Variants in CACNA1C observed in about 807,000 individuals in gnomAD.
CACNA1C encodes the protein calcium voltage-gated channel subunit alpha1 C.
CACNA1C carries 30 observed loss-of-function variants against 229.0 expected under a neutral mutation model. The observed-to-expected ratio is 0.13, with a 90% CI of 0.10 to 0.18. The LOEUF is 0.18. CACNA1C is among the 10% of genes least tolerant of loss of function. The pLI is 1.00. For missense variants in CACNA1C, 1,658 were observed against 2,845.0 expected, an observed-to-expected ratio of 0.58 and a Z score of 9.49; for synonymous variants, 1,114 against 1,132.5, an observed-to-expected ratio of 0.98 and a Z score of 0.33.
intron 3 of CACNA1C, among the ~76,000 whole-genome samples, chr12:2,137,542 C>T (rs1461615995): frequency 6.6e-6 from 1 of 151,222 alleles, no homozygotes; most frequent in Non-Finnish European, 1.5e-5. Context: ...GCTATGATTA[C>T]ACCAGGGTGA....
intron 3 of CACNA1C, among the ~76,000 whole-genome samples, chr12:2,343,743 C>T (rs924206201): frequency 1.3e-5 from 2 of 152,054 alleles, no homozygotes; most frequent in South Asian, 2.1e-4. Context: ...CTGGAAAAGA[C>T]GGATCTTGAG....
chr12:2,121,019 G>T (rs773734970), intron 3 of CACNA1C, among the ~76,000 whole-genome samples: 2 of 152,198 alleles, frequency 1.3e-5, no homozygotes, highest in Non-Finnish European at 2.9e-5. Flanking sequence ...CATGGAAAAA[G>T]TGGAGAGTGT....
At chr12:2,071,489 C>T (rs2061327145) in intron 1 of CACNA1C, among the ~76,000 whole-genome samples, 1 of 152,012 alleles carries the variant, frequency 6.6e-6, no homozygotes, top group Admixed American at 6.5e-5. Flanking sequence ...TCTTAAAGTG[C>T]TGGGATTATA....
intron 1 of CACNA1C, chr12:1,993,051 T>C: frequency 1.4e-6 from 1 of 704,528 alleles, no homozygotes; most frequent in South Asian, 1.7e-5. Flanking sequence ...TTTAGGTTTA[T>C]ATCATCATAT....
intron 3 of CACNA1C, among the ~76,000 whole-genome samples, chr12:2,198,957 A>G (rs1426200402): frequency 6.6e-6 from 1 of 152,192 alleles, no homozygotes; most frequent in Non-Finnish European, 1.5e-5. Context: ...AACTTTATAA[A>G]TTAAGTATTG....
At chr12:2,105,010 C>G (rs2077663495) in intron 1 of CACNA1C, among the ~76,000 whole-genome samples, 1 of 152,218 alleles carries the variant, frequency 6.6e-6, no homozygotes, top group Non-Finnish European at 1.5e-5. Flanking sequence ...GGCGTTATAT[C>G]AGGGTCCTCT....
intron 9 of CACNA1C, chr12:2,547,399 T>C: frequency 1.3e-6 from 1 of 777,578 alleles, no homozygotes; most frequent in South Asian, 1.4e-5. Context: ...GCGTGTGCTC[T>C]ATTGATGTCT....
At chr12:2,164,818 T>C (rs1475242171) in intron 3 of CACNA1C, among the ~76,000 whole-genome samples, 1 of 152,088 alleles carries the variant, frequency 6.6e-6, no homozygotes, top group Non-Finnish European at 1.5e-5. Context: ...CACAAGGCAA[T>C]GGAGGAATAT....
chr12:2,658,867 A>G (rs1371736180), intron 34 of CACNA1C, among the ~76,000 whole-genome samples: 1 of 152,176 alleles, frequency 6.6e-6, no homozygotes, highest in Non-Finnish European at 1.5e-5. Flanking sequence ...ATTAAAAAAA[A>G]AAAGTTCAAT....
intron 30 of CACNA1C, among the ~76,000 whole-genome samples, chr12:2,648,101 GC>G (rs1225672707): frequency 1.3e-5 from 2 of 152,110 alleles, no homozygotes; most frequent in African/African-American, 4.8e-5. Flanking sequence ...TTATGCCACT[GC>G]ACTCCAGCCT....
intron 3 of CACNA1C, among the ~76,000 whole-genome samples, chr12:2,395,882 T>G (rs1253658030): frequency 6.6e-6 from 1 of 152,204 alleles, no homozygotes; most frequent in Non-Finnish European, 1.5e-5. Flanking sequence ...TAGAAGGTGC[T>G]AGGCACAAAC....
intron 3 of CACNA1C, among the ~76,000 whole-genome samples, chr12:2,308,981 C>T (rs1018080808): frequency 1.3e-5 from 2 of 152,154 alleles, no homozygotes; most frequent in African/African-American, 2.4e-5. Flanking sequence ...TCCAGAAAGT[C>T]CACTTCTGGG....
At position 2,153,292 on chromosome 12, in the gene CACNA1C, A is replaced by G. The variant is rs184822805; in HGVS notation, c.477+32862A>G. Among the ~76,000 whole-genome samples, 9 of 152,268 alleles carry G rather than the reference A, an allele frequency of 5.9e-5. No homozygotes were observed. In the East Asian group the frequency reaches 1.7e-3, roughly 29 times the overall value. On this transcript the variant is annotated intron_variant, in intron 3 of 46. Transcript: ENST00000399655. ...TACAGAACTCTTTCTCCAATTTAGA[A>G]TGGAGGCTACTTTTTTTTTTACTGT...
At chr12:2,687,576 G>A (rs1032654628) in intron 45 of CACNA1C, among the ~76,000 whole-genome samples, 2 of 140,942 alleles carry the variant, frequency 1.4e-5, no homozygotes, top group African/African-American at 2.7e-5. Context: ...TTTTGCTCTT[G>A]TTGCCCAGGC....
intron 1 of CACNA1C, among the ~76,000 whole-genome samples, chr12:2,111,174 A>G (rs2081574384): frequency 6.6e-6 from 1 of 152,230 alleles, no homozygotes; most frequent in Non-Finnish European, 1.5e-5. Context: ...GGGCTGGTTC[A>G]TATGTGCTTT....
chr12:2,032,871 C>A (rs1005066447), intron 1 of CACNA1C, among the ~76,000 whole-genome samples: 1 of 152,192 alleles, frequency 6.6e-6, no homozygotes, highest in Non-Finnish European at 1.5e-5. Flanking sequence ...GATTTAACAA[C>A]GCTGAAGCGC....
intron 3 of CACNA1C, among the ~76,000 whole-genome samples, chr12:2,162,383 C>T (rs748721013): frequency 1.2e-4 from 18 of 151,806 alleles, no homozygotes; most frequent in Non-Finnish European, 2.5e-4. Context: ...AAGTCTGCCC[C>T]GTTTGCCTTC....
intron 30 of CACNA1C, among the ~76,000 whole-genome samples, chr12:2,635,568 T>C (rs529945303): frequency 2.1e-5 from 3 of 139,552 alleles, no homozygotes; most frequent in African/African-American, 8.0e-5. Flanking sequence ...CCACTCCATC[T>C]TTTGCTCTCA....
intron 1 of CACNA1C, among the ~76,000 whole-genome samples, chr12:1,982,225 A>C (rs1165894016): frequency 6.6e-6 from 1 of 152,206 alleles, no homozygotes; most frequent in Admixed American, 6.5e-5. Flanking sequence ...TTGTGTTAAA[A>C]TATTAAAAAC....
Sources: gnomAD v4.1 joint callset for allele counts (sites outside exome capture counted in the v4.1 genomes callset) on GRCh38, gnomAD v4.1.1 for gene constraint, MANE v1.5 for transcripts, NCBI Gene and HGNC (gene_info 2026-07-23, HGNC 2026-07-21) for gene names.